NRAP: variants seen among roughly 807,000 people sequenced by gnomAD.
NRAP encodes the protein nebulin related anchoring protein.
A neutral mutation model predicts 225.9 loss-of-function variants in NRAP; 189 were observed. That is an observed-to-expected ratio of 0.84 (90% CI 0.74 to 0.94). The LOEUF (loss-of-function observed/expected upper bound fraction) is 0.94, where lower values mean the gene tolerates loss of function less well. Ranked by LOEUF, NRAP falls within the 40% of genes least tolerant of loss-of-function variation. The probability of loss-of-function intolerance (pLI) is 0.00; values close to 1 mark genes in which losing one functional copy is unlikely to be tolerated. For missense variants in NRAP, 2,176 were observed against 2,168.7 expected, an observed-to-expected ratio of 1.00 and a Z score of -0.07; for synonymous variants, 769 against 790.7, an observed-to-expected ratio of 0.97 and a Z score of 0.46.
chr10:113,611,350 G>A (rs1376049631), intron 30 of NRAP, among the ~76,000 whole-genome samples: 1 of 152,210 alleles, frequency 6.6e-6, no homozygotes, highest in African/African-American at 2.4e-5. Flanking sequence ...TCAGATCGCA[G>A]GCACTGCCAA....
At chr10:113,650,222 G>T in intron 8 of NRAP, 81 bp from the exon 9 acceptor site, 2 of 938,622 alleles carry the variant, frequency 2.1e-6, no homozygotes, top group Non-Finnish European at 3.5e-6. Context: ...ATGTCTTAAT[G>T]GAATGTTCTT....
At position 113,624,842 on chromosome 10, in the gene NRAP, G is replaced by A. The variant is rs1848197607; in HGVS notation, c.2333C>T (p.Ala778Val). The change falls in exon 22 of 42, where the codon GCT (alanine) becomes GTT (valine). Residue 778 changes from alanine to valine, a missense_variant. Around this residue, in one of 3 missense-constraint regions of NRAP, gnomAD observed 1,708 missense variants for 1,695.5 expected, o/e 1.01. Coordinates refer to ENST00000359988, the MANE Select transcript of NRAP (RefSeq NM_198060.4). ...EPLFLQARAN[A>V]ANLSEKLYKS... Reference sequence around the variant, plus strand: ...TCTCTGTACCTCGCTGAGATTTGCAGCATTGGCTCGGGCCTGCAGGAAGAG... The same window carrying A: ...TCTCTGTACCTCGCTGAGATTTGCAACATTGGCTCGGGCCTGCAGGAAGAG... 1 of 1,613,614 alleles carries A rather than the reference G, an allele frequency of 6.2e-7. No homozygotes were observed.
chr10:113,595,652 C>G lies in NRAP; in HGVS notation c.4507G>C (p.Ala1503Pro). The stretch of plus-strand genomic sequence containing the variant: ...CTCAGATGCAGCGCATTGAGGCGAG[C>G]TCGGGTGAAATCGGGATGGTCGGGG... The part of the protein sequence containing the change: ...LIPDHPDFTR[A>P]RLNALHLSDK... Residue 1503 changes from alanine to proline, a missense_variant, in exon 38 of 42, where the codon GCT becomes CCT. Coordinates refer to ENST00000359988, the MANE Select transcript of NRAP (RefSeq NM_198060.4). The G allele has an allele frequency of 1.2e-6, 2 of 1,613,636 alleles. No homozygotes were observed. Among genetic ancestry groups the G allele is most frequent in the South Asian group, 2.2e-5 (2 of 91,062 alleles).
intron 41 of NRAP, 148 bp downstream of exon 41, chr10:113,589,518 T>C: frequency 1.1e-6 from 1 of 909,592 alleles, no homozygotes; most frequent in South Asian, 1.7e-5. Flanking sequence ...CTCAGACCCA[T>C]GAAATTAGGC....
intron 35 of NRAP, among the ~76,000 whole-genome samples, chr10:113,600,581 A>G (rs370305956): frequency 6.6e-6 from 1 of 152,334 alleles, no homozygotes. Context: ...AAGCCACACC[A>G]GGTAGTGGTT....
At chr10:113,598,984 A>G (rs1846445071) in intron 35 of NRAP, among the ~76,000 whole-genome samples, 1 of 152,228 alleles carries the variant, frequency 6.6e-6, no homozygotes, top group Non-Finnish European at 1.5e-5. Context: ...ACCATTACCT[A>G]CAACGAGAAA....
chr10:113,617,277 C>A (rs1307174658), intron 26 of NRAP, among the ~76,000 whole-genome samples, 178 bp downstream of exon 26: 1 of 152,046 alleles, frequency 6.6e-6, no homozygotes, highest in East Asian at 1.9e-4. Flanking sequence ...GCAGTAACAC[C>A]CCCATTTGCA....
intron 35 of NRAP, 32 bp downstream of exon 35, chr10:113,604,577 G>T: frequency 1.3e-6 from 2 of 1,588,784 alleles, no homozygotes; most frequent in Non-Finnish European, 1.7e-6. Flanking sequence ...AAAGGCTGGG[G>T]GCTGGTTTGC....
In NRAP at chr10:113,604,639, C is replaced by T. The variant is rs777578966; in HGVS notation, c.4197G>A (p.Trp1399Ter). 6 of 1,613,908 alleles carry T rather than the reference C, an allele frequency of 3.7e-6. No homozygotes were observed. Among genetic ancestry groups the T allele is most frequent in the Admixed American group, 1.7e-5 (1 of 60,008 alleles). The change falls in exon 35 of 42, where the codon TGG (tryptophan) becomes TGA (stop). Residue 1399 changes from tryptophan (W) to a stop codon, truncating the protein, a stop_gained. Transcript: ENST00000359988. LOFTEE classifies it high-confidence loss of function. ...TALPEDLKMA[W>*]AKKAHALQSE... ...TCTGCAGGGCATGGGCTTTCTTGGC[C>T]CAGGCCATCTTCAGGTCCTCGGGCA...
intron 14 of NRAP, among the ~76,000 whole-genome samples, chr10:113,638,022 T>C (rs1295433442): frequency 2.6e-5 from 4 of 152,200 alleles, no homozygotes; most frequent in African/African-American, 9.6e-5. Flanking sequence ...TAGAGAAAAT[T>C]AGGAAATATA....
chr10:113,613,820 C>G (rs533276530), intron 29 of NRAP, among the ~76,000 whole-genome samples: 1 of 152,132 alleles, frequency 6.6e-6, no homozygotes, highest in Non-Finnish European at 1.5e-5. Flanking sequence ...AAGCTTAACA[C>G]TTTTATATAA....
rs759489224 is a variant in NRAP at position 113,622,006 on chromosome 10, C to A, written c.2632G>T (p.Val878Phe). Reference sequence around the variant, plus strand: ...GCTTTGCGGGCATGCACGAGGTGGACCATGTCCAGGGAGACGTGGCATTGG... The same window carrying A: ...GCTTTGCGGGCATGCACGAGGTGGAACATGTCCAGGGAGACGTGGCATTGG... ...KSQCHVSLDM[V>F]HLVHARKAQH... The change falls in exon 24 of 42, where the codon GTC becomes TTC. Residue 878 changes from valine (V) to phenylalanine (F), a missense_variant. Physicochemically the swap from Val to Phe is conservative, Grantham distance 50. Around this residue, in one of 3 missense-constraint regions of NRAP, gnomAD observed 1,708 missense variants for 1,695.5 expected, o/e 1.01. Coordinates refer to ENST00000359988, the MANE Select transcript of NRAP (RefSeq NM_198060.4). 1.2e-5 allele frequency: 20 copies of A among 1,614,102 alleles called. No individual in the cohort carries two copies. Among genetic ancestry groups the A allele is most frequent in the Non-Finnish European group, 1.4e-5 (17 of 1,180,038 alleles).
rs1307466656 is a variant in NRAP, at chr10:113,606,255, C to A, written c.3730G>T (p.Ala1244Ser). The A allele has an allele frequency of 6.2e-7, 1 of 1,613,986 alleles. No individual in the cohort carries two copies. The highest frequency in any genetic ancestry group is 1.3e-5 in the African/African-American group (1 of 75,052). The change falls in exon 33 of 42, where the codon GCA (alanine) becomes TCA (serine). Residue 1244 changes from alanine (A) to serine (S), a missense_variant. Transcript: ENST00000359988. The part of the protein sequence containing the change: ...ERLYKAAGED[A>S]RHEYTMTLGL... The stretch of plus-strand genomic sequence containing the variant: ...AGGGTCATTGTATACTCGTGTCTTG[C>A]ATCCTCTCCAGCTGCTTTATAGAGG...
intron 22 of NRAP, among the ~76,000 whole-genome samples, chr10:113,624,211 A>G (rs929406469): frequency 1.3e-5 from 2 of 152,156 alleles, no homozygotes; most frequent in Non-Finnish European, 2.9e-5. Context: ...TATTTCTCAG[A>G]TGAGGAACCC....
chr10:113,660,534 T>C (rs973035307), intron 3 of NRAP, among the ~76,000 whole-genome samples: 1 of 152,066 alleles, frequency 6.6e-6, no homozygotes, highest in Admixed American at 6.6e-5. Context: ...TCATACACAG[T>C]TAAAATAAAG....
chr10:113,657,073 G>C (rs192878725), intron 4 of NRAP, among the ~76,000 whole-genome samples: 143 of 152,284 alleles, frequency 9.4e-4, no homozygotes, highest in African/African-American at 3.2e-3. Flanking sequence ...GAGTACAACA[G>C]GCTGGAGAGA....
At chr10:113,632,491 G>A (rs1294254656) in intron 16 of NRAP, among the ~76,000 whole-genome samples, 2 of 152,100 alleles carry the variant, frequency 1.3e-5, no homozygotes, top group South Asian at 2.1e-4. Flanking sequence ...GCTCACCTAC[G>A]GTTACATAAA....
chr10:113,594,307 T>C (rs1421455043), intron 38 of NRAP, among the ~76,000 whole-genome samples: 1 of 152,212 alleles, frequency 6.6e-6, no homozygotes, highest in East Asian at 1.9e-4. Flanking sequence ...AAGTGCTCTT[T>C]CAAAAGAGGT....
At chr10:113,615,262 A>G (rs1303799086) in intron 27 of NRAP, among the ~76,000 whole-genome samples, 1 of 152,220 alleles carries the variant, frequency 6.6e-6, no homozygotes, top group African/African-American at 2.4e-5. Context: ...ATGAGATTGC[A>G]TATGCATAGT....
Sources: allele counts gnomAD v4.1 joint callset (sites outside exome capture counted in the v4.1 genomes callset), GRCh38; gene constraint gnomAD v4.1.1; regional missense constraint gnomAD v4.1.1; transcripts MANE v1.5; gene names NCBI Gene and HGNC (gene_info 2026-07-23, HGNC 2026-07-21).